Variants in SOCS7 observed in about 807,000 individuals in gnomAD.
SOCS7 encodes the protein NAP-4.
Under a neutral mutation model 58.9 loss-of-function variants are expected in SOCS7, and 18 were observed. The observed-to-expected ratio is 0.31, with a 90% confidence interval of 0.21 to 0.45. The LOEUF is 0.45. SOCS7 is among the 20% of genes least tolerant of loss of function. The pLI is 1.00. For missense variants in SOCS7, 667 were observed against 837.3 expected, an observed-to-expected ratio of 0.80 and a Z score of 2.51; for synonymous variants, 388 against 364.3, an observed-to-expected ratio of 1.06 and a Z score of -0.74.
intron 9 of SOCS7, among the ~76,000 whole-genome samples, chr17:38,399,272 G>A (rs2038288370): frequency 6.6e-6 from 1 of 152,080 alleles, no homozygotes; most frequent in Admixed American, 6.5e-5. Context: ...GTGGTAGGAT[G>A]TATTTATTAG....
intron 1 of SOCS7, among the ~76,000 whole-genome samples, chr17:38,355,346 G>C (rs1311125171): frequency 6.6e-6 from 1 of 152,194 alleles, no homozygotes; most frequent in Non-Finnish European, 1.5e-5. Context: ...TAGAAGATAA[G>C]TAATAGGACT....
intron 6 of SOCS7, among the ~76,000 whole-genome samples, chr17:38,369,199 T>C (rs771339997): frequency 5.9e-5 from 9 of 152,198 alleles, no homozygotes; most frequent in Non-Finnish European, 1.2e-4. Flanking sequence ...AGTCTTACCA[T>C]GGTGGTCAAC....
chr17:38,361,121 C>T (rs1177981383), intron 1 of SOCS7, among the ~76,000 whole-genome samples: 3 of 152,142 alleles, frequency 2.0e-5, no homozygotes, highest in Non-Finnish European at 4.4e-5. Context: ...CTCTTGGATG[C>T]TAGGCAGAGC....
chr17:38,365,380 T>G lies in SOCS7; in HGVS notation c.1223T>G (p.Leu408Arg). The change falls in exon 4 of 10, where the codon CTA (leucine) becomes CGA (arginine). Residue 408 changes from leucine (L) to arginine (R), a missense_variant. Physicochemically the swap from Leu to Arg is moderately radical, Grantham distance 102. Coordinates refer to ENST00000612932, the MANE Select transcript of SOCS7 (RefSeq NM_014598.4). The part of the protein sequence containing the change: ...PMGSSLQSFP[L>R]PPPPPPHAPD... ...GGGTCTTCCTTGCAGTCTTTCCCCC[T>G]ACCTCCGCCTCCTCCACCCCATGCC... 1 of 1,612,446 alleles carries G rather than the reference T, an allele frequency of 6.2e-7. No homozygotes were observed. Among genetic ancestry groups the G allele is most frequent in the Non-Finnish European group, 8.5e-7 (1 of 1,179,220 alleles).
intron 4 of SOCS7, chr17:38,365,660 C>T (rs1286835959): frequency 8.0e-6 from 3 of 376,256 alleles, no homozygotes; most frequent in South Asian, 1.7e-4. Context: ...TCAGTCTTTG[C>T]TGCTGAGACT....
chr17:38,370,350 T>C (rs1041226323), intron 6 of SOCS7, among the ~76,000 whole-genome samples: 4 of 151,974 alleles, frequency 2.6e-5, no homozygotes, highest in African/African-American at 9.7e-5. Flanking sequence ...GTAGAATTTC[T>C]TTTTTTTGAG....
At chr17:38,397,616 A>G (rs1177466323) in intron 9 of SOCS7, among the ~76,000 whole-genome samples, 1 of 152,232 alleles carries the variant, frequency 6.6e-6, no homozygotes. Flanking sequence ...GAGGTCCAAA[A>G]CTGGGATGGT....
At chr17:38,358,344 T>C (rs2037667897) in intron 1 of SOCS7, among the ~76,000 whole-genome samples, 2 of 152,246 alleles carry the variant, frequency 1.3e-5, no homozygotes, top group Admixed American at 1.3e-4. Context: ...CTCCAAAATA[T>C]AGTGTGTCAG....
At chr17:38,369,221 G>C (rs368742426) in intron 6 of SOCS7, among the ~76,000 whole-genome samples, 43 of 152,172 alleles carry the variant, frequency 2.8e-4, no homozygotes, top group African/African-American at 1.0e-3. Flanking sequence ...TTAAGTGAAT[G>C]CTCTGAGACA....
chr17:38,365,723 T>G (rs2037780666), intron 4 of SOCS7: 2 of 258,488 alleles, frequency 7.7e-6, no homozygotes, highest in African/African-American at 2.2e-5. Flanking sequence ...AATTTCAGGA[T>G]AGTGAGGTTT....
intron 7 of SOCS7, among the ~76,000 whole-genome samples, chr17:38,380,896 A>T (rs1190466472): frequency 6.6e-6 from 1 of 152,080 alleles, no homozygotes; most frequent in South Asian, 2.1e-4. Flanking sequence ...AAATAAAATA[A>T]TACATGAGAC....
intron 5 of SOCS7, among the ~76,000 whole-genome samples, chr17:38,366,850 A>G (rs2037796650): frequency 6.6e-6 from 1 of 152,198 alleles, no homozygotes; most frequent in Non-Finnish European, 1.5e-5. Context: ...ATTTACAGTG[A>G]CAAAACAGTG....
At chr17:38,368,080 C>T (rs367552501) in intron 6 of SOCS7, 30 bp downstream of exon 6, 6 of 1,551,304 alleles carry the variant, frequency 3.9e-6, no homozygotes, top group Non-Finnish European at 4.4e-6. Flanking sequence ...GAGGCTTCTT[C>T]CCCCCTTGAT....
intron 6 of SOCS7, 82 bp downstream of exon 6, chr17:38,368,132 C>T: frequency 7.8e-7 from 1 of 1,278,382 alleles, no homozygotes; most frequent in Non-Finnish European, 1.1e-6. Flanking sequence ...GGAAGAGATT[C>T]ATAGGAATGG....
rs577934242 is a variant in SOCS7, at chr17:38,374,276, G to A, written c.1553-3438G>A. On this transcript the variant is annotated intron_variant, in intron 6 of 9. Transcript: ENST00000612932. Reference sequence around the variant, plus strand: ...TTGTGGGCCAGGTGCAGTGGCTCATGCCTGTAATCCCAGCACTTTGGGAGG... The same window carrying A: ...TTGTGGGCCAGGTGCAGTGGCTCATACCTGTAATCCCAGCACTTTGGGAGG... Among the ~76,000 whole-genome samples, 14 of 152,124 alleles carry A rather than the reference G, an allele frequency of 9.2e-5. No homozygotes were observed. The South Asian group carries it at 2.9e-3, about 32-fold the overall frequency.
chr17:38,398,632 G>C (rs1024464438), intron 9 of SOCS7, among the ~76,000 whole-genome samples: 2 of 152,154 alleles, frequency 1.3e-5, no homozygotes, highest in Non-Finnish European at 2.9e-5. Flanking sequence ...TGAATGGCCT[G>C]CTTGGTCTAT....
rs1050576112 is a variant in SOCS7, at chr17:38,388,027, C to T, written c.1682-7282C>T. On this transcript the variant is annotated intron_variant, in intron 7 of 9. Coordinates refer to ENST00000612932, the MANE Select transcript of SOCS7 (RefSeq NM_014598.4). ...CCTCAGGTGATCCAACTGCATTGGCCTCCCAAAGTGCTAGGATTATAGGCA... is the reference window on the plus strand; with the variant it reads ...CCTCAGGTGATCCAACTGCATTGGCTTCCCAAAGTGCTAGGATTATAGGCA... Among the ~76,000 whole-genome samples, 13 of 151,948 alleles carry T rather than the reference C, an allele frequency of 8.6e-5. No individual in the cohort carries two copies. The East Asian group carries it at 1.5e-3, about 18-fold the overall frequency.
rs61377194 is a variant in SOCS7 at position 38,405,196 on chromosome 17, T to C, written c.*5714T>C. 6.6e-6 allele frequency: 1 copy of C among 151,160 alleles called. No individual in the cohort carries two copies. Among genetic ancestry groups the C allele is most frequent in the African/African-American group, 2.4e-5 (1 of 41,352 alleles). 9.4% of individuals were successfully genotyped at this position (151,160 alleles called of 1,614,324 possible). On this transcript the variant is annotated 3_prime_UTR_variant, in exon 10 of 10. Transcript: ENST00000612932. ...AAATACTAAATGGTTAAAATAGACT[T>C]GCAGGCCAATCTTAAATGGGGTGGG...
chr17:38,389,063 A>G (rs541965875), intron 7 of SOCS7, among the ~76,000 whole-genome samples: 35 of 152,336 alleles, frequency 2.3e-4, no homozygotes, highest in Middle Eastern at 6.8e-3. Flanking sequence ...TCCCAAAACA[A>G]TTGCACCCAA....
Sources: gnomAD v4.1 joint callset for allele counts (sites outside exome capture counted in the v4.1 genomes callset) on GRCh38, gnomAD v4.1.1 for gene constraint, MANE v1.5 for transcripts, NCBI Gene and HGNC (gene_info 2026-07-23, HGNC 2026-07-21) for gene names.